The following ROBO2 variants were observed in gnomAD, a reference collection of about 807,000 sequenced individuals.
The protein encoded by ROBO2 is roundabout guidance receptor 2, also known as roundabout homolog 2.
ROBO2 carries 53 observed loss-of-function variants against 160.8 expected under a neutral mutation model. The observed-to-expected ratio is 0.33, with a 90% CI of 0.26 to 0.41. ROBO2 has a LOEUF of 0.41. Ranked by LOEUF, ROBO2 falls within the 10% of genes least tolerant of loss-of-function variation. The pLI is 1.00. For missense variants in ROBO2, 1,577 were observed against 1,722.4 expected, an observed-to-expected ratio of 0.92 and a Z score of 1.49; for synonymous variants, 664 against 611.7, an observed-to-expected ratio of 1.09 and a Z score of -1.26.
intron 2 of ROBO2, among the ~76,000 whole-genome samples, chr3:76,834,675 A>C (rs937457823): frequency 6.6e-6 from 1 of 152,044 alleles, no homozygotes; most frequent in African/African-American, 2.4e-5. Context: ...CTAATTTTTA[A>C]ATTTTTTTGT....
chr3:77,604,199 T>G (rs1222728862), intron 20 of ROBO2, among the ~76,000 whole-genome samples: 1 of 152,180 alleles, frequency 6.6e-6, no homozygotes, highest in African/African-American at 2.4e-5. Flanking sequence ...ACATCTGTTA[T>G]GAATTTAAAC....
intron 2 of ROBO2, among the ~76,000 whole-genome samples, chr3:76,073,267 C>CTTTTTTTTTTTTTTTTTTTTTTT (rs869307615): frequency 5.2e-5 from 3 of 57,368 alleles, no homozygotes; most frequent in Non-Finnish European, 1.1e-4. Flanking sequence ...AATGAGTATT[C>CTTTTTTTTTTTTTTTTTTTTTTT]TTTTTTTTTT....
chr3:76,402,303 CCA>C (rs987617977), intron 2 of ROBO2, among the ~76,000 whole-genome samples: 15 of 151,672 alleles, frequency 9.9e-5, no homozygotes, highest in African/African-American at 3.6e-4. Context: ...ATATGTTGAT[CCA>C]CACACATAAC....
intron 2 of ROBO2, among the ~76,000 whole-genome samples, chr3:77,415,232 G>A (rs1054004938): frequency 6.6e-6 from 1 of 152,196 alleles, no homozygotes; most frequent in Non-Finnish European, 1.5e-5. Context: ...GCAATGTTAA[G>A]GCATTGAAAC....
At chr3:77,363,274 A>G (rs1457750884) in intron 2 of ROBO2, among the ~76,000 whole-genome samples, 1 of 152,194 alleles carries the variant, frequency 6.6e-6, no homozygotes, top group Non-Finnish European at 1.5e-5. Context: ...GAAAAGATGA[A>G]TCTAGCTGCT....
intron 4 of ROBO2, among the ~76,000 whole-genome samples, chr3:77,492,768 C>G (rs2086290316): frequency 6.6e-6 from 1 of 152,092 alleles, no homozygotes; most frequent in Non-Finnish European, 1.5e-5. Context: ...CTAGGTAATA[C>G]ATATGTGTGA....
At chr3:76,325,323 A>T (rs529293166) in intron 2 of ROBO2, among the ~76,000 whole-genome samples, 26 of 152,380 alleles carry the variant, frequency 1.7e-4, no homozygotes, top group African/African-American at 6.0e-4. Context: ...ATTATTGTAC[A>T]GTAGATTAAA....
At chr3:76,605,822 G>C (rs1292304869) in intron 2 of ROBO2, among the ~76,000 whole-genome samples, 3 of 152,078 alleles carry the variant, frequency 2.0e-5, no homozygotes, top group African/African-American at 7.2e-5. Flanking sequence ...TTTGATAGGT[G>C]CAGCCTGGGA....
chr3:76,134,714 C>G (rs970379123), intron 2 of ROBO2, among the ~76,000 whole-genome samples: 7 of 152,080 alleles, frequency 4.6e-5, no homozygotes, highest in Admixed American at 1.3e-4. Context: ...TAAGACATGT[C>G]TGGATTCCTG....
chr3:77,407,538 T>C (rs1310798529), intron 2 of ROBO2, among the ~76,000 whole-genome samples: 1 of 152,176 alleles, frequency 6.6e-6, no homozygotes, highest in Non-Finnish European at 1.5e-5. Flanking sequence ...AAAATTATCA[T>C]GTGCAAATAA....
In ROBO2 at chr3:77,462,094, A is replaced by T. The variant is rs144835910; in HGVS notation, c.389-15320A>T. On this transcript the variant is annotated intron_variant, in intron 2 of 25. Transcript: ENST00000461745. Reference sequence around the variant, plus strand: ...ATTTGAGAGAGAAAAATAACTTTTTATAAAATTGATAATTTTGGGTAATAA... The same window carrying T: ...ATTTGAGAGAGAAAAATAACTTTTTTTAAAATTGATAATTTTGGGTAATAA... Among the ~76,000 whole-genome samples the T allele has an allele frequency of 9.5e-3, 1,442 of 152,332 alleles. 21 individuals carry two copies. Among genetic ancestry groups the T allele is most frequent in the African/African-American group, 0.032 (1,336 of 41,580 alleles).
intron 2 of ROBO2, among the ~76,000 whole-genome samples, chr3:76,943,335 G>T (rs1006582144): frequency 6.6e-6 from 1 of 152,066 alleles, no homozygotes; most frequent in Non-Finnish European, 1.5e-5. Flanking sequence ...TGTGTCCCCA[G>T]ACCTGGCTAG....
At position 76,709,099 on chromosome 3, in the gene ROBO2, A is replaced by C. The variant is rs532787372; in HGVS notation, c.110-388915A>C. ...TTTATATCCTAAATCTGAGCTCTCT[A>C]TGAAGTACCTTGATGAAGATATCCA... On this transcript the variant is annotated intron_variant, in intron 2 of 26. Coordinates refer to the ROBO2 transcript ENST00000487694. Among the ~76,000 whole-genome samples the C allele has an allele frequency of 7.9e-5, 12 of 152,316 alleles. No homozygotes were observed. In the South Asian group the frequency reaches 2.5e-3, roughly 32 times the overall value.
chr3:76,669,462 A>T (rs984920969), intron 2 of ROBO2, among the ~76,000 whole-genome samples: 3 of 152,170 alleles, frequency 2.0e-5, no homozygotes, highest in Non-Finnish European at 4.4e-5. Flanking sequence ...GAAAAAGGGA[A>T]TATGAAAGGA....
chr3:77,409,268 A>G (rs1183359156), intron 2 of ROBO2, among the ~76,000 whole-genome samples: 1 of 151,872 alleles, frequency 6.6e-6, no homozygotes, highest in Non-Finnish European at 1.5e-5. Flanking sequence ...TGTGTGGCCA[A>G]ATCATGAACT....
chr3:76,674,013 A>G (rs1032379168), intron 2 of ROBO2, among the ~76,000 whole-genome samples: 8 of 152,140 alleles, frequency 5.3e-5, no homozygotes, highest in African/African-American at 1.9e-4. Flanking sequence ...TCATACATTC[A>G]GAGTTGGAAC....
chr3:77,456,487 T>C (rs1361943814), intron 2 of ROBO2, among the ~76,000 whole-genome samples: 1 of 152,206 alleles, frequency 6.6e-6, no homozygotes, highest in African/African-American at 2.4e-5. Flanking sequence ...GGATTTTGTG[T>C]GCAAAACTTT....
At chr3:77,502,194 C>G (rs183781864) in intron 5 of ROBO2, among the ~76,000 whole-genome samples, 185 of 152,166 alleles carry the variant, frequency 1.2e-3, no homozygotes, top group African/African-American at 4.4e-3. Flanking sequence ...CATAGTGGTG[C>G]TGAGTGGGAA....
intron 1 of ROBO2, among the ~76,000 whole-genome samples, chr3:77,092,990 T>C (rs2070518123): frequency 2.0e-5 from 3 of 151,998 alleles, no homozygotes; most frequent in African/African-American, 7.2e-5. Flanking sequence ...CCTTGGTAAA[T>C]ATTTCAAGCT....
Sources: gnomAD v4.1 joint callset for allele counts (sites outside exome capture counted in the v4.1 genomes callset) on GRCh38, gnomAD v4.1.1 for gene constraint, MANE v1.5 for transcripts, NCBI Gene and HGNC (gene_info 2026-07-23, HGNC 2026-07-21) for gene names.